The following VEPH1 variants were observed in gnomAD, a reference collection of about 807,000 sequenced individuals.
The protein encoded by VEPH1 is ventricular zone-expressed PH domain-containing protein homolog 1.
Under a neutral mutation model 85.2 loss-of-function variants are expected in VEPH1, and 80 were observed. That is an observed-to-expected ratio of 0.94 (90% confidence interval 0.78 to 1.13). The LOEUF is 1.13. VEPH1 is among the 50% of genes most tolerant of loss of function. The pLI is 0.00. For synonymous variants in VEPH1, 297 were observed against 348.0 expected, an observed-to-expected ratio of 0.85 and a Z score of 1.63; for missense variants, 955 against 980.5, an observed-to-expected ratio of 0.97 and a Z score of 0.35.
chr3:157,456,787 C>G (rs1471858651), intron 4 of VEPH1, among the ~76,000 whole-genome samples: 2 of 151,668 alleles, frequency 1.3e-5, no homozygotes, highest in African/African-American at 4.8e-5. Flanking sequence ...TATTTGAAGT[C>G]AGTTTGAAGT....
chr3:157,359,319 C>A (rs1339098623), intron 9 of VEPH1, among the ~76,000 whole-genome samples: 1 of 152,162 alleles, frequency 6.6e-6, no homozygotes, highest in African/African-American at 2.4e-5. Context: ...TTAAAATGCC[C>A]TTTGGCACAT....
At chr3:157,392,781 C>A (rs1181574104) in intron 6 of VEPH1, among the ~76,000 whole-genome samples, 2 of 152,160 alleles carry the variant, frequency 1.3e-5, no homozygotes, top group African/African-American at 2.4e-5. Flanking sequence ...CTTATTTAAC[C>A]ACTTTGAGCC....
chr3:157,319,113 A>G (rs978818761), intron 9 of VEPH1, among the ~76,000 whole-genome samples: 2 of 152,232 alleles, frequency 1.3e-5, no homozygotes, highest in African/African-American at 4.8e-5. Flanking sequence ...AAACCAAACA[A>G]TAATGTGACA....
chr3:157,489,089 C>T (rs1398134109), intron 2 of VEPH1: 12 of 456,182 alleles, frequency 2.6e-5, no homozygotes, highest in Non-Finnish European at 5.3e-5. Flanking sequence ...AGAACCTCTG[C>T]TTCTTCTTAT....
chr3:157,289,941 C>T (rs184303057), intron 11 of VEPH1, among the ~76,000 whole-genome samples: 1 of 152,140 alleles, frequency 6.6e-6, no homozygotes, highest in East Asian at 1.9e-4. Context: ...TTTGTATACT[C>T]CCATTCCCTG....
At chr3:157,369,158 A>G (rs894903568) in intron 7 of VEPH1, among the ~76,000 whole-genome samples, 18 of 144,530 alleles carry the variant, frequency 1.2e-4, no homozygotes, top group Non-Finnish European at 2.6e-4. Flanking sequence ...ACAAATAACA[A>G]CAACAACAAC....
At chr3:157,375,035 C>T (rs959518650) in intron 7 of VEPH1, among the ~76,000 whole-genome samples, 13 of 152,204 alleles carry the variant, frequency 8.5e-5, no homozygotes, top group South Asian at 2.1e-4. Context: ...ACCATGGACT[C>T]ACAGCAAGAA....
At chr3:157,494,296 G>A (rs1739473614) in intron 2 of VEPH1, among the ~76,000 whole-genome samples, 1 of 152,118 alleles carries the variant, frequency 6.6e-6, no homozygotes, top group South Asian at 2.1e-4. Context: ...GTATTGTATG[G>A]CTTGAGTCCC....
At chr3:157,406,503 G>A (rs920227351) in intron 6 of VEPH1, among the ~76,000 whole-genome samples, 6 of 152,122 alleles carry the variant, frequency 3.9e-5, no homozygotes, top group African/African-American at 1.4e-4. Context: ...TGGGCAAGAT[G>A]TGTGTCACTT....
At chr3:157,479,965 ATTCT>A (rs1054677700) in intron 2 of VEPH1, among the ~76,000 whole-genome samples, 15 of 151,928 alleles carry the variant, frequency 9.9e-5, no homozygotes, top group African/African-American at 2.9e-4. Flanking sequence ...TGAGTTACAA[ATTCT>A]TTCTTTCTTT....
chr3:157,398,870 C>T (rs950294888), intron 6 of VEPH1, among the ~76,000 whole-genome samples: 2 of 152,076 alleles, frequency 1.3e-5, no homozygotes, highest in Non-Finnish European at 2.9e-5. Flanking sequence ...CTGGGCCCCA[C>T]TCAAAACTAG....
intron 9 of VEPH1, among the ~76,000 whole-genome samples, chr3:157,355,800 A>C (rs1473585177): frequency 6.6e-6 from 1 of 152,010 alleles, no homozygotes; most frequent in African/African-American, 2.4e-5. Context: ...CCAGTGTAAT[A>C]TTTTAATGGC....
chr3:157,497,160 G>A (rs1045350629), intron 1 of VEPH1, among the ~76,000 whole-genome samples: 5 of 152,130 alleles, frequency 3.3e-5, no homozygotes, highest in Admixed American at 2.0e-4. Flanking sequence ...AAAATGTGAG[G>A]CTACTGTTAG....
At chr3:157,466,894 T>C (rs1736420918) in intron 3 of VEPH1, among the ~76,000 whole-genome samples, 1 of 152,174 alleles carries the variant, frequency 6.6e-6, no homozygotes, top group African/African-American at 2.4e-5. Context: ...ATGTCCCATA[T>C]ATGTACCGAT....
intron 11 of VEPH1, among the ~76,000 whole-genome samples, chr3:157,295,992 T>C (rs1442301417): frequency 1.3e-5 from 2 of 152,126 alleles, no homozygotes; most frequent in African/African-American, 4.8e-5. Context: ...ATGGTCTATT[T>C]ACACAGTGGA....
intron 12 of VEPH1, among the ~76,000 whole-genome samples, chr3:157,272,368 C>CCCTT (rs1559913786): frequency 8.3e-6 from 1 of 119,918 alleles, no homozygotes; most frequent in Admixed American, 9.0e-5. Flanking sequence ...TTCTTTCTTT[C>CCCTT]TCTTTCTTTT....
intron 4 of VEPH1, among the ~76,000 whole-genome samples, chr3:157,451,576 C>T (rs189884453): frequency 1.3e-5 from 2 of 152,232 alleles, no homozygotes; most frequent in Admixed American, 1.3e-4. Flanking sequence ...AAATACATAG[C>T]CCTTGGACAA....
At chr3:157,479,741 A>G (rs1416817408) in intron 2 of VEPH1, among the ~76,000 whole-genome samples, 6 of 152,160 alleles carry the variant, frequency 3.9e-5, no homozygotes, top group Non-Finnish European at 8.8e-5. Flanking sequence ...GCAATCACTC[A>G]TCTCTCTAAG....
intron 7 of VEPH1, among the ~76,000 whole-genome samples, chr3:157,374,548 G>A (rs1727880797): frequency 6.6e-6 from 1 of 152,246 alleles, no homozygotes; most frequent in African/African-American, 2.4e-5. Flanking sequence ...TAGAGCATGG[G>A]CTGTGAATAC....
Sources: gnomAD v4.1 joint callset for allele counts (sites outside exome capture counted in the v4.1 genomes callset) on GRCh38, gnomAD v4.1.1 for gene constraint, MANE v1.5 for transcripts, NCBI Gene and HGNC (gene_info 2026-07-23, HGNC 2026-07-21) for gene names.